NHS: variants seen among roughly 807,000 people sequenced by gnomAD.
NHS encodes the protein actin remodeling regulator NHS.
A neutral mutation model predicts 72.5 loss-of-function variants in NHS; 5 were observed. The ratio of observed to expected loss-of-function variants is 0.07; its 90% CI spans 0.04 to 0.14. NHS has a LOEUF of 0.14. NHS is among the 10% of genes least tolerant of loss of function. NHS has a pLI of 1.00. For synonymous variants in NHS, 464 were observed against 547.7 expected (o/e 0.85, Z 2.13); for missense variants, 1,072 against 1,355.7 (o/e 0.79, Z 3.29).
chrX:17,392,861 TC>T, intron 1 of NHS, among the ~76,000 whole-genome samples: 1 of 112,411 alleles, frequency 8.9e-6, no homozygotes, highest in Middle Eastern at 4.6e-3. Context: ...GCCAATGTTC[TC>T]TTCTGATCCT....
chrX:17,664,058 T>C (rs1007916744), intron 1 of NHS, among the ~76,000 whole-genome samples: 3 of 112,136 alleles, frequency 2.7e-5, no homozygotes, highest in Non-Finnish European at 5.6e-5. Context: ...TTATTGATAT[T>C]TTTTATTTGT....
chrX:17,427,539 T>C (rs913297244), intron 1 of NHS, among the ~76,000 whole-genome samples: 1 of 112,716 alleles, frequency 8.9e-6, no homozygotes, highest in Non-Finnish European at 1.9e-5. Flanking sequence ...GGGCTGTGTG[T>C]GTTCAATGGC....
chrX:17,466,360 G>A (rs990964476), intron 1 of NHS, among the ~76,000 whole-genome samples: 2 of 112,550 alleles, frequency 1.8e-5, no homozygotes, highest in African/African-American at 6.5e-5. Context: ...AGACAGGTTA[G>A]AATTAGATAA....
chrX:17,393,928 C>G (rs960730821), intron 1 of NHS, among the ~76,000 whole-genome samples: 13 of 111,354 alleles, frequency 1.2e-4, no homozygotes, highest in Non-Finnish European at 3.8e-5. Context: ...TCTTTGAACC[C>G]CCTGGCATAG....
Position 17,542,379 on chromosome X carries a change from T to G in NHS, c.566-145363T>G, listed in dbSNP as rs142775925. On this transcript the variant is annotated intron_variant, in intron 1 of 8. Coordinates refer to ENST00000676302, the MANE Select transcript of NHS (RefSeq NM_001291867.2). ...TGGCATCACTGCCTGGCACTGGTGCTTATTCCTTCCTGGCATTGGCCCATG... is the reference window on the plus strand; with the variant it reads ...TGGCATCACTGCCTGGCACTGGTGCGTATTCCTTCCTGGCATTGGCCCATG... Among the ~76,000 whole-genome samples the G allele has an allele frequency of 2.3e-4, 26 of 113,550 alleles. No individual in the cohort carries two copies. In the Middle Eastern group the frequency reaches 0.018, roughly 80 times the overall value.
At chrX:17,698,887 A>G (rs1201880974) in intron 3 of NHS, among the ~76,000 whole-genome samples, 1 of 111,133 alleles carries the variant, frequency 9.0e-6, no homozygotes, top group Non-Finnish European at 1.9e-5. Flanking sequence ...ACAAAATTCA[A>G]TATCTATTTT....
intron 1 of NHS, among the ~76,000 whole-genome samples, chrX:17,621,072 A>G (rs2065771309): frequency 8.9e-6 from 1 of 112,494 alleles, no homozygotes; most frequent in South Asian, 3.7e-4. Flanking sequence ...TCTGCAAAGA[A>G]ATCACCCCAA....
At chrX:17,537,632 G>A (rs144842791) in intron 1 of NHS, among the ~76,000 whole-genome samples, 192 of 112,418 alleles carry the variant, frequency 1.7e-3, no homozygotes, top group African/African-American at 5.9e-3. Flanking sequence ...GAGTGGCTAA[G>A]TCAAGTAGGA....
intron 1 of NHS, among the ~76,000 whole-genome samples, chrX:17,400,714 A>G (rs1464293245): frequency 1.8e-5 from 2 of 112,494 alleles, no homozygotes; most frequent in African/African-American, 3.2e-5. Context: ...AAAAACATCA[A>G]AGTTCATTGA....
At chrX:17,376,346 G>T (rs1400236908) in intron 1 of NHS, 24 bp downstream of exon 1, 16 of 1,124,894 alleles carry the variant, frequency 1.4e-5, no homozygotes, top group Admixed American at 2.6e-5. Flanking sequence ...CCGTCCGCCC[G>T]CCAGGCTATG....
chrX:17,443,263 C>T (rs1388313246), intron 1 of NHS, among the ~76,000 whole-genome samples: 1 of 112,333 alleles, frequency 8.9e-6, no homozygotes, highest in African/African-American at 3.2e-5. Context: ...TCGTAAATTT[C>T]CTAGCCTCCT....
At chrX:17,467,336 A>G (rs2064875061) in intron 1 of NHS, among the ~76,000 whole-genome samples, 1 of 111,786 alleles carries the variant, frequency 8.9e-6, no homozygotes, top group Admixed American at 9.5e-5. Flanking sequence ...CCTTTCAGCT[A>G]CAAACACAGC....
chrX:17,598,257 G>A (rs1162004279), intron 1 of NHS, among the ~76,000 whole-genome samples: 1 of 111,830 alleles, frequency 8.9e-6, no homozygotes, highest in Non-Finnish European at 1.9e-5. Context: ...CTGGACCAAT[G>A]CCCGGAGCCT....
At chrX:17,525,450 T>G (rs774832354) in intron 1 of NHS, among the ~76,000 whole-genome samples, 1 of 111,989 alleles carries the variant, frequency 8.9e-6, no homozygotes, top group African/African-American at 3.2e-5. Flanking sequence ...CCAGGAATGT[T>G]TCAAAATACT....
chrX:17,453,836 G>A (rs1187566942), intron 1 of NHS, among the ~76,000 whole-genome samples: 3 of 111,782 alleles, frequency 2.7e-5, no homozygotes, highest in Admixed American at 9.5e-5. Context: ...GTCTGAGAGA[G>A]GGAAATCCTG....
intron 1 of NHS, among the ~76,000 whole-genome samples, chrX:17,569,387 G>T (rs1480356428): frequency 9.4e-6 from 1 of 105,849 alleles, no homozygotes; most frequent in East Asian, 2.8e-4. Context: ...GTATCTCATT[G>T]TGGTTTTGAT....
At chrX:17,613,035 CAT>C (rs1428504350) in intron 1 of NHS, among the ~76,000 whole-genome samples, 3 of 99,142 alleles carry the variant, frequency 3.0e-5, no homozygotes, top group Non-Finnish European at 6.1e-5. Flanking sequence ...TTTTTTTTAA[CAT>C]ATCTCATAGT....
At position 17,715,321 on chromosome X, in the gene NHS, T is replaced by C. The variant is rs149632265; in HGVS notation, c.853-4023T>C. On this transcript the variant is annotated intron_variant, in intron 3 of 8. Transcript: ENST00000676302. The stretch of plus-strand genomic sequence containing the variant: ...AGTTACTTCACTTAGAATAATGGCC[T>C]CCAGTTCCATCCAAGTTGCTGCAAA... Among the ~76,000 whole-genome samples the C allele has an allele frequency of 9.6e-3, 1,083 of 112,632 alleles. 8 individuals carry two copies. Among genetic ancestry groups the C allele is most frequent in the African/African-American group, 0.033 (1,025 of 30,997 alleles).
intron 1 of NHS, among the ~76,000 whole-genome samples, chrX:17,464,175 T>C (rs2064861224): frequency 9.0e-6 from 1 of 111,515 alleles, no homozygotes; most frequent in South Asian, 3.8e-4. Flanking sequence ...GACTGAGAGA[T>C]AGAGGCAGGA....
Sources: allele counts gnomAD v4.1 joint callset (sites outside exome capture counted in the v4.1 genomes callset), GRCh38; gene constraint gnomAD v4.1.1; transcripts MANE v1.5; gene names NCBI Gene and HGNC (gene_info 2026-07-23, HGNC 2026-07-21).